RNF180: variants seen among roughly 807,000 people sequenced by gnomAD.
RNF180 encodes ring finger protein 180, also known as E3 ubiquitin-protein ligase RNF180.
RNF180 carries 38 observed loss-of-function variants against 59.2 expected under a neutral mutation model. The ratio of observed to expected loss-of-function variants is 0.64; its 90% CI spans 0.50 to 0.84. The LOEUF (loss-of-function observed/expected upper bound fraction) is 0.84. RNF180 is among the 40% of genes least tolerant of loss of function. The pLI is 0.00. For synonymous variants in RNF180, 262 were observed against 240.3 expected, an observed-to-expected ratio of 1.09 and a Z score of -0.84; for missense variants, 705 against 700.9, an observed-to-expected ratio of 1.01 and a Z score of -0.07.
intron 7 of RNF180, 78 bp from the exon 8 acceptor site, chr5:64,369,537 A>T: frequency 2.4e-6 from 2 of 825,984 alleles, no homozygotes; most frequent in Non-Finnish European, 3.5e-6. Context: ...TGCTTTGTTT[A>T]ACTGTACTTG....
chr5:64,186,217 A>G (rs1402965408), intron 1 of RNF180, among the ~76,000 whole-genome samples: 1 of 152,132 alleles, frequency 6.6e-6, no homozygotes, highest in Non-Finnish European at 1.5e-5. Flanking sequence ...CTGTGCAGCC[A>G]CCTTTCATCT....
At chr5:64,352,627 AC>A (rs1745863936) in intron 7 of RNF180, among the ~76,000 whole-genome samples, 1 of 152,116 alleles carries the variant, frequency 6.6e-6, no homozygotes, top group Non-Finnish European at 1.5e-5. Context: ...GTTTCAAAGA[AC>A]ATCTTTATTT....
At chr5:64,206,648 C>T (rs1243322637) in intron 2 of RNF180, among the ~76,000 whole-genome samples, 3 of 152,118 alleles carry the variant, frequency 2.0e-5, no homozygotes, top group Non-Finnish European at 4.4e-5. Flanking sequence ...TGTATGCCCT[C>T]CAAGTGCATA....
rs186089050 is a variant in RNF180 at position 64,257,563 on chromosome 5, A to G, written c.1227+40167A>G. ...TCCCAGGGATGAAGCCCACTTGATC[A>G]TGGTGGATAAGCTTTTTGATGTGCT... On this transcript the variant is annotated intron_variant, in intron 5 of 7. Transcript: ENST00000389100. Among the ~76,000 whole-genome samples, 752 of 152,236 alleles carry G rather than the reference A, an allele frequency of 4.9e-3. 10 individuals carry two copies. Among genetic ancestry groups the G allele is most frequent in the African/African-American group, 0.017 (704 of 41,540 alleles).
chr5:64,315,259 A>C (rs1743977420), intron 5 of RNF180, among the ~76,000 whole-genome samples: 1 of 152,166 alleles, frequency 6.6e-6, no homozygotes, highest in African/African-American at 2.4e-5. Context: ...TGAAAGTTCA[A>C]ATTTTATCAT....
At chr5:64,341,973 C>CAAAG (rs1383268796) in intron 7 of RNF180, among the ~76,000 whole-genome samples, 1 of 151,990 alleles carries the variant, frequency 6.6e-6, no homozygotes, top group African/African-American at 2.4e-5. Flanking sequence ...TCAGCAGCAG[C>CAAAG]AAAGATGGAA....
At chr5:64,340,207 T>C (rs1445063959) in intron 7 of RNF180, among the ~76,000 whole-genome samples, 2 of 152,190 alleles carry the variant, frequency 1.3e-5, no homozygotes, top group African/African-American at 4.8e-5. Context: ...AAAACATTTT[T>C]GCAAAAAGTT....
intron 5 of RNF180, among the ~76,000 whole-genome samples, chr5:64,267,346 A>G (rs1744740707): frequency 6.6e-6 from 1 of 151,432 alleles, no homozygotes; most frequent in Non-Finnish European, 1.5e-5. Flanking sequence ...TCTTTTATTT[A>G]TTTATTTATT....
chr5:64,271,010 TGAA>T (rs1741366502), intron 5 of RNF180, among the ~76,000 whole-genome samples: 1 of 152,028 alleles, frequency 6.6e-6, no homozygotes, highest in South Asian at 2.1e-4. Context: ...CTACTAGAGT[TGAA>T]GAAAACAAAA....
chr5:64,214,260 T>G lies in RNF180; in HGVS notation c.934T>G (p.Cys312Gly), dbSNP rs201399881. The G allele has an allele frequency of 6.2e-6, 10 of 1,614,058 alleles. No individual in the cohort carries two copies. The East Asian group carries it at 2.2e-4, about 36-fold the overall frequency. The change falls in exon 4 of 8, where the codon TGT becomes GGT. Residue 312 changes from cysteine (C) to glycine (G), a missense_variant. Transcript: ENST00000389100. ...TQTQRGGEFQ[C>G]GLEAASVYSD... ...GACACAAAGAGGAGGAGAATTTCAG[T>G]GTGGTCTAGAAGCTGCTTCAGTGTA...
rs370455125 is a variant in RNF180 at position 64,320,254 on chromosome 5, T to C, written c.1228-4932T>C. The stretch of plus-strand genomic sequence containing the variant: ...TTCCACTTCCCATGTAAAGAAAAGC[T>C]AGCTTTGACATTTACACTCTGACAA... On this transcript the variant is annotated intron_variant, in intron 5 of 7. Coordinates refer to ENST00000389100, the MANE Select transcript of RNF180 (RefSeq NM_001113561.2). Among the ~76,000 whole-genome samples the C allele has an allele frequency of 1.6e-4, 25 of 152,298 alleles. 1 individual carries two copies. The East Asian group carries it at 4.6e-3, about 28-fold the overall frequency.
intron 7 of RNF180, among the ~76,000 whole-genome samples, chr5:64,350,463 T>A (rs532407045): frequency 6.6e-6 from 1 of 152,200 alleles, no homozygotes; most frequent in African/African-American, 2.4e-5. Context: ...TTTTGGTGTT[T>A]TAGACATGAA....
chr5:64,344,311 T>A (rs1475858000), intron 7 of RNF180, among the ~76,000 whole-genome samples: 1 of 151,952 alleles, frequency 6.6e-6, no homozygotes, highest in African/African-American at 2.4e-5. Flanking sequence ...ATGTAAAAAA[T>A]TAGACTTTAA....
chr5:64,315,776 A>G (rs1315316360), intron 5 of RNF180, among the ~76,000 whole-genome samples: 1 of 151,634 alleles, frequency 6.6e-6, no homozygotes, highest in Non-Finnish European at 1.5e-5. Context: ...CAAAATAACC[A>G]TTATGCTTTG....
intron 5 of RNF180, among the ~76,000 whole-genome samples, chr5:64,236,000 G>A (rs1320228152): frequency 1.3e-5 from 2 of 152,196 alleles, no homozygotes; most frequent in African/African-American, 2.4e-5. Flanking sequence ...CAGAGAATTG[G>A]TACGAGCAGA....
intron 7 of RNF180, among the ~76,000 whole-genome samples, chr5:64,350,085 C>G (rs1745734094): frequency 6.6e-6 from 1 of 152,098 alleles, no homozygotes; most frequent in South Asian, 2.1e-4. Context: ...CTGTTGTTTC[C>G]TGACTTTTTA....
intron 5 of RNF180, among the ~76,000 whole-genome samples, chr5:64,255,913 CT>C (rs1170250044): frequency 6.6e-6 from 1 of 152,148 alleles, no homozygotes; most frequent in African/African-American, 2.4e-5. Flanking sequence ...AAGATGGTAT[CT>C]CATTGTGGTT....
chr5:64,315,739 A>G (rs1744010027), intron 5 of RNF180, among the ~76,000 whole-genome samples: 1 of 151,884 alleles, frequency 6.6e-6, no homozygotes, highest in Admixed American at 6.6e-5. Context: ...TGTCTCAAAA[A>G]AAAAAAAAAA....
At chr5:64,341,891 A>G (rs756357196) in intron 7 of RNF180, among the ~76,000 whole-genome samples, 2 of 152,210 alleles carry the variant, frequency 1.3e-5, no homozygotes, top group Non-Finnish European at 2.9e-5. Flanking sequence ...AACATTTGAG[A>G]CACAGTAGCA....
Sources: allele counts gnomAD v4.1 joint callset (sites outside exome capture counted in the v4.1 genomes callset), GRCh38; gene constraint gnomAD v4.1.1; transcripts MANE v1.5; gene names NCBI Gene and HGNC (gene_info 2026-07-23, HGNC 2026-07-21).